The following PCDHA11 variants were observed in gnomAD, a reference collection of about 807,000 sequenced individuals.
PCDHA11 encodes the protein protocadherin alpha-11.
A neutral mutation model predicts 70.3 loss-of-function variants in PCDHA11; 61 were observed. The ratio of observed to expected loss-of-function variants is 0.87; its 90% CI spans 0.71 to 1.07. The LOEUF (loss-of-function observed/expected upper bound fraction) is 1.07, where lower values mean the gene tolerates loss of function less well. PCDHA11 is among the 50% of genes least tolerant of loss of function. PCDHA11 has a pLI of 0.00. For missense variants in PCDHA11, 1,324 were observed against 1,237.5 expected (o/e 1.07, Z -1.05); for synonymous variants, 633 against 555.1 (o/e 1.14, Z -1.97).
chr5:141,007,037 T>C (rs1413139986), intron 3 of PCDHA11, among the ~76,000 whole-genome samples: 1 of 152,170 alleles, frequency 6.6e-6, no homozygotes, highest in Non-Finnish European at 1.5e-5. Flanking sequence ...TTTATATCTA[T>C]GGATATGGCT....
At chr5:140,935,665 T>C (rs2090490152) in intron 1 of PCDHA11, among the ~76,000 whole-genome samples, 1 of 152,182 alleles carries the variant, frequency 6.6e-6, no homozygotes, top group Non-Finnish European at 1.5e-5. Context: ...TCTTTTATAA[T>C]TATGTGAAAT....
intron 1 of PCDHA11, chr5:140,871,711 T>C (rs1554165833): frequency 1.2e-6 from 1 of 815,266 alleles, no homozygotes; most frequent in Middle Eastern, 3.7e-4. Flanking sequence ...ATAAATGTCC[T>C]ATTTCTCTTA....
chr5:140,915,222 C>T (rs2153533644), intron 1 of PCDHA11, among the ~76,000 whole-genome samples: 1 of 152,292 alleles, frequency 6.6e-6, no homozygotes, highest in South Asian at 2.1e-4. Context: ...GCTGGGATTA[C>T]AGGCATGAGC....
intron 3 of PCDHA11, among the ~76,000 whole-genome samples, chr5:140,984,922 C>T (rs2097125803): frequency 6.6e-6 from 1 of 152,074 alleles, no homozygotes; most frequent in Non-Finnish European, 1.5e-5. Flanking sequence ...TAGTGCTTGA[C>T]ATATAGTTAA....
chr5:140,965,924 C>A (rs548082207), intron 1 of PCDHA11, among the ~76,000 whole-genome samples: 1 of 152,212 alleles, frequency 6.6e-6, no homozygotes, highest in Non-Finnish European at 1.5e-5. Context: ...TTTAGGCTTG[C>A]TCCCGGAAAG....
intron 1 of PCDHA11, chr5:140,967,765 C>A: frequency 6.2e-7 from 1 of 1,614,234 alleles, no homozygotes; most frequent in Non-Finnish European, 8.5e-7. Context: ...CCTACCAGAT[C>A]TATGTGCAGG....
At chr5:140,906,218 A>G (rs2072464720) in intron 1 of PCDHA11, among the ~76,000 whole-genome samples, 1 of 152,176 alleles carries the variant, frequency 6.6e-6, no homozygotes, top group African/African-American at 2.4e-5. Flanking sequence ...ATTAACCATC[A>G]CAAGTCCTCC....
intron 3 of PCDHA11, among the ~76,000 whole-genome samples, chr5:141,003,916 A>C (rs1176586597): frequency 3.9e-5 from 6 of 152,150 alleles, no homozygotes; most frequent in African/African-American, 1.4e-4. Context: ...TCTTGACTGC[A>C]TCCTCAGTCT....
chr5:140,917,724 G>C (rs2078325058), intron 1 of PCDHA11, among the ~76,000 whole-genome samples: 1 of 152,080 alleles, frequency 6.6e-6, no homozygotes, highest in East Asian at 1.9e-4. Flanking sequence ...CTTTATTTCT[G>C]GGTTCTCTAA....
Position 140,870,142 on chromosome 5 carries a change from C to T in PCDHA11, c.1039C>T (p.Pro347Ser), listed in dbSNP as rs782428763. 1.9e-6 allele frequency: 3 copies of T among 1,613,946 alleles called. No homozygotes were observed. The highest frequency in any genetic ancestry group is 1.1e-5 in the South Asian group (1 of 91,078). The stretch of plus-strand genomic sequence containing the variant: ...AATCTTGGACACCAACGATAACTCT[C>T]CTGAAGTCGCCGTGACTTCCTTGTC... ...VEILDTNDNS[P>S]EVAVTSLSLP... is the part of the protein sequence containing the mutation. The change falls in exon 1 of 4, where the codon CCT (proline) becomes TCT (serine). Residue 347 changes from proline to serine, a missense_variant. Transcript: ENST00000398640.
At position 140,928,406 on chromosome 5, in the gene PCDHA11, G is replaced by T. The variant is rs782285182; in HGVS notation, c.2392-50543G>T. On this transcript the variant is annotated intron_variant, in intron 1 of 3. Coordinates refer to ENST00000398640, the MANE Select transcript of PCDHA11 (RefSeq NM_018902.5). ...TTGCTGGCAGTGGAATCATCCAGTG[G>T]GGCCATCACTGCCAAAACTTCCTTT... 3 of 1,614,050 alleles carry T rather than the reference G, an allele frequency of 1.9e-6. No individual in the cohort carries two copies. The Admixed American group carries it at 5.0e-5, about 27-fold the overall frequency.
chr5:140,974,534 G>A (rs929112962), intron 1 of PCDHA11, among the ~76,000 whole-genome samples: 4 of 151,974 alleles, frequency 2.6e-5, no homozygotes, highest in Admixed American at 1.3e-4. Flanking sequence ...TTTTTGAGAC[G>A]GAGTTTTGCT....
In PCDHA11 at chr5:140,871,022, A is replaced by ACT; in HGVS notation, c.1921_1922dup (p.Pro642ArgfsTer7). The ACT allele has an allele frequency of 6.2e-7, 1 of 1,613,114 alleles. No homozygotes were observed. Among genetic ancestry groups the ACT allele is most frequent in the Non-Finnish European group, 8.5e-7 (1 of 1,179,800 alleles). On this transcript the variant is annotated frameshift_variant, in exon 1 of 4. Coordinates refer to ENST00000398640, the MANE Select transcript of PCDHA11 (RefSeq NM_018902.5). LOFTEE classifies it high-confidence loss of function. ...ACAACGCGTGCCCTGGACGAGGCAG[A>ACT]CTCGCCGCGCCACCGACTTCTAGTA...
chr5:140,881,757 A>G (rs1238055344), intron 1 of PCDHA11, among the ~76,000 whole-genome samples: 1 of 152,166 alleles, frequency 6.6e-6, no homozygotes, highest in Non-Finnish European at 1.5e-5. Flanking sequence ...TACCACAAAA[A>G]CCTACATGAC....
intron 1 of PCDHA11, chr5:140,969,244 G>C: frequency 6.2e-7 from 1 of 1,614,206 alleles, no homozygotes; most frequent in Non-Finnish European, 8.5e-7. Flanking sequence ...AAGCAGCAGT[G>C]ACTGACAGCA....
At chr5:140,968,029 GGT>G in intron 1 of PCDHA11, 1 of 1,614,170 alleles carries the variant, frequency 6.2e-7, no homozygotes, top group African/African-American at 1.3e-5. Context: ...CCTATACACT[GGT>G]GGTGAGCGGC....
Position 140,876,936 on chromosome 5 carries a change from G to C in PCDHA11, c.2391+5442G>C, listed in dbSNP as rs567563243. On this transcript the variant is annotated intron_variant, in intron 1 of 3. Transcript: ENST00000398640. ...GGGACGCGGACGCGCAGAAGAACGCGCTGGTGTCCTACTCGCTGGTGGAGC... is the reference window on the plus strand; with the variant it reads ...GGGACGCGGACGCGCAGAAGAACGCCCTGGTGTCCTACTCGCTGGTGGAGC... 190 of 1,613,730 alleles carry C rather than the reference G, an allele frequency of 1.2e-4. 1 individual carries two copies. The highest frequency in any genetic ancestry group is 1.5e-4 in the South Asian group (14 of 91,062).
intron 3 of PCDHA11, among the ~76,000 whole-genome samples, chr5:141,000,640 C>G (rs2097954123): frequency 6.6e-6 from 1 of 151,256 alleles, no homozygotes; most frequent in South Asian, 2.1e-4. Flanking sequence ...GTTGGGCAGG[C>G]TGGTCTCGAA....
chr5:140,870,810 T>C lies in PCDHA11; in HGVS notation c.1707T>C (p.Ala569=). 2 of 1,613,710 alleles carry C rather than the reference T, an allele frequency of 1.2e-6. No individual in the cohort carries two copies. The highest frequency in any genetic ancestry group is 1.1e-5 in the South Asian group (1 of 91,074). Residue 569 remains alanine (A), a synonymous_variant, in exon 1 of 4, where the codon GCT becomes GCC. Coordinates refer to ENST00000398640, the MANE Select transcript of PCDHA11 (RefSeq NM_018902.5). Reference sequence around the variant, plus strand: ...CGCCGGCACTGCTGGCGACTCAGGCTGGCAGCGCGGGAGGCGCAGTTAACA... The same window carrying C: ...CGCCGGCACTGCTGGCGACTCAGGCCGGCAGCGCGGGAGGCGCAGTTAACA... The part of the protein sequence containing the change: ...DNAPALLATQ[A]GSAGGAVNKL...
Sources: allele counts gnomAD v4.1 joint callset (sites outside exome capture counted in the v4.1 genomes callset), GRCh38; gene constraint gnomAD v4.1.1; transcripts MANE v1.5; gene names NCBI Gene and HGNC (gene_info 2026-07-23, HGNC 2026-07-21).